Variants in HBP1 observed in about 807,000 individuals in gnomAD.
The protein encoded by HBP1 is HMG-box transcription factor 1.
In HBP1, 20 loss-of-function variants were observed where a neutral mutation model predicts 62.6. That is an observed-to-expected ratio of 0.32 (90% CI 0.22 to 0.46). The LOEUF is 0.46. Among genes scored for constraint, HBP1 ranks in the 20% least tolerant of loss-of-function variants. HBP1 has a pLI of 1.00. For missense variants in HBP1, 480 were observed against 611.8 expected, an observed-to-expected ratio of 0.78 and a Z score of 2.27; for synonymous variants, 232 against 206.2, an observed-to-expected ratio of 1.12 and a Z score of -1.07.
intron 5 of HBP1, 31 bp from the exon 6 acceptor site, chr7:107,186,538 G>A: frequency 6.5e-7 from 1 of 1,549,846 alleles, no homozygotes; most frequent in East Asian, 2.2e-5. Context: ...ACAGTCACGT[G>A]TCTAATACGT....
At position 107,202,176 on chromosome 7, in the gene HBP1, T is replaced by C. The variant is rs190095596; in HGVS notation, c.*745T>C. ...TTAACAAACAGTCAACACCATTGTA[T>C]TTTTTAACTTCGTGTTCTGTATCTC... is the stretch of plus-strand genomic sequence containing the variant. On this transcript the variant is annotated 3_prime_UTR_variant, in exon 11 of 11. Coordinates refer to ENST00000222574, the MANE Select transcript of HBP1 (RefSeq NM_012257.4). 39 of 152,808 alleles carry C rather than the reference T, an allele frequency of 2.6e-4. No homozygotes were observed. Among genetic ancestry groups the C allele is most frequent in the Non-Finnish European group, 4.6e-4 (31 of 68,040 alleles). The allele number at this position is 152,808 out of a possible 1,614,324, so 9.5% of individuals were successfully genotyped here. A position where few individuals can be genotyped will look rare whatever the true frequency, so the allele number is the denominator to read the frequency against.
chr7:107,190,134 G>A, intron 7 of HBP1, 39 bp from the exon 8 acceptor site: 1 of 1,535,250 alleles, frequency 6.5e-7, no homozygotes, highest in Non-Finnish European at 8.8e-7. Flanking sequence ...GGTGCTTTCT[G>A]TGAGTCCTCA....
chr7:107,171,860 C>CAAAAAAAAAAAAAAAAAAAAAAA (rs367641713), intron 1 of HBP1, among the ~76,000 whole-genome samples: 1 of 63,928 alleles, frequency 1.6e-5, no homozygotes, highest in Non-Finnish European at 2.9e-5. Context: ...ACTTCCTCTC[C>CAAAAAAAAAAAAAAAAAAAAAAA]AAAAAAAAAA....
At chr7:107,187,653 G>A (rs1185251311) in intron 6 of HBP1, among the ~76,000 whole-genome samples, 1 of 152,144 alleles carries the variant, frequency 6.6e-6, no homozygotes, top group Non-Finnish European at 1.5e-5. Flanking sequence ...CTTTAGTGAA[G>A]TTCACAATAG....
chr7:107,197,964 A>G (rs1277480343), intron 9 of HBP1, among the ~76,000 whole-genome samples: 1 of 152,054 alleles, frequency 6.6e-6, no homozygotes, highest in African/African-American at 2.4e-5. Context: ...CTTTTTGTAC[A>G]CTTCTGGTAT....
At chr7:107,171,030 AACATATACATG>A in intron 1 of HBP1, among the ~76,000 whole-genome samples, 1 of 138,374 alleles carries the variant, frequency 7.2e-6, no homozygotes, top group African/African-American at 2.8e-5. Flanking sequence ...TAAAATATAT[AACATATACATG>A]TATAAATATA....
intron 10 of HBP1, 109 bp from the exon 11 acceptor site, chr7:107,201,305 T>C: frequency 1.6e-6 from 1 of 610,008 alleles, no homozygotes; most frequent in Non-Finnish European, 2.9e-6. Flanking sequence ...AAGAAAGCAG[T>C]ATTTTCTAAT....
At chr7:107,192,284 A>G (rs550704793) in intron 8 of HBP1, among the ~76,000 whole-genome samples, 1 of 152,076 alleles carries the variant, frequency 6.6e-6, no homozygotes, top group Non-Finnish European at 1.5e-5. Context: ...GGGACCCCTC[A>G]AAATCCAAGT....
At chr7:107,171,244 G>A (rs1210644168) in intron 1 of HBP1, among the ~76,000 whole-genome samples, 2 of 150,030 alleles carry the variant, frequency 1.3e-5, no homozygotes, top group Non-Finnish European at 3.0e-5. Flanking sequence ...TAATTTTTTT[G>A]TATTTTTAAT....
chr7:107,178,799 G>T (rs772327399), intron 1 of HBP1, among the ~76,000 whole-genome samples: 1 of 152,110 alleles, frequency 6.6e-6, no homozygotes, highest in Admixed American at 6.5e-5. Flanking sequence ...TTGGGAGGCC[G>T]AGGCGGGTGG....
chr7:107,183,361 C>T (rs1244473435), intron 3 of HBP1, among the ~76,000 whole-genome samples: 2 of 152,180 alleles, frequency 1.3e-5, no homozygotes, highest in East Asian at 3.8e-4. Context: ...GAGTGTAATG[C>T]ATTGCTAAAG....
chr7:107,171,861 A>C (rs75839237), intron 1 of HBP1, among the ~76,000 whole-genome samples: 2 of 98,914 alleles, frequency 2.0e-5, no homozygotes, highest in South Asian at 6.5e-4. Context: ...CTTCCTCTCC[A>C]AAAAAAAAAA....
chr7:107,198,429 C>G (rs1032838211), intron 9 of HBP1, among the ~76,000 whole-genome samples: 3 of 152,020 alleles, frequency 2.0e-5, no homozygotes, highest in African/African-American at 7.2e-5. Flanking sequence ...AGGCTGGTCT[C>G]GAACTCCTGA....
chr7:107,180,314 G>A (rs1473793893), intron 2 of HBP1, among the ~76,000 whole-genome samples: 1 of 152,188 alleles, frequency 6.6e-6, no homozygotes, highest in African/African-American at 2.4e-5. Context: ...TGTAAAGATT[G>A]GACCCCACTC....
chr7:107,199,618 C>G (rs534153435), intron 9 of HBP1, among the ~76,000 whole-genome samples: 1 of 152,258 alleles, frequency 6.6e-6, no homozygotes, highest in East Asian at 1.9e-4. Context: ...GCTGAAAGCT[C>G]TTCATAGAAG....
At chr7:107,195,182 T>C (rs973148490) in intron 8 of HBP1, among the ~76,000 whole-genome samples, 3 of 152,174 alleles carry the variant, frequency 2.0e-5, no homozygotes, top group Non-Finnish European at 2.9e-5. Flanking sequence ...CTGCCACGCC[T>C]AGCTGATTTT....
At chr7:107,171,541 C>G (rs955373719) in intron 1 of HBP1, among the ~76,000 whole-genome samples, 4 of 151,976 alleles carry the variant, frequency 2.6e-5, no homozygotes. Flanking sequence ...ACTGGTACTC[C>G]CCTTTCCACC....
At chr7:107,186,255 A>G in intron 4 of HBP1, 106 bp from the exon 5 acceptor site, 1 of 648,402 alleles carries the variant, frequency 1.5e-6, no homozygotes, top group Non-Finnish European at 2.6e-6. Context: ...TAGAATTACT[A>G]AGTTATCCAC....
chr7:107,186,147 C>CTTTTTTTTTATTTTTTTTTTTTTTTTTT (rs961142033), intron 4 of HBP1, among the ~76,000 whole-genome samples: 1 of 135,116 alleles, frequency 7.4e-6, no homozygotes, highest in Non-Finnish European at 1.6e-5. Context: ...TTGTGTGTGT[C>CTTTTTTTTTATTTTTTTTTTTTTTTTTT]TTTTTTTTCT....
Sources: gnomAD v4.1 joint callset for allele counts (sites outside exome capture counted in the v4.1 genomes callset) on GRCh38, gnomAD v4.1.1 for gene constraint, MANE v1.5 for transcripts, NCBI Gene and HGNC (gene_info 2026-07-23, HGNC 2026-07-21) for gene names.